EMILIN2: variants seen among roughly 807,000 people sequenced by gnomAD.
EMILIN2 encodes EMILIN-2.
Under a neutral mutation model 87.1 loss-of-function variants are expected in EMILIN2, and 71 were observed. The observed-to-expected ratio is 0.82, with a 90% CI of 0.67 to 0.99. The LOEUF (loss-of-function observed/expected upper bound fraction) is 0.99, where lower values mean the gene tolerates loss of function less well. Among genes scored for constraint, EMILIN2 ranks in the 50% least tolerant of loss-of-function variants. The pLI is 0.00. For synonymous variants in EMILIN2, 581 were observed against 563.4 expected (o/e 1.03, Z -0.44); for missense variants, 1,407 against 1,371.8 (o/e 1.03, Z -0.40).
chr18:2,885,104 C>T lies in EMILIN2; in HGVS notation c.398C>T (p.Pro133Leu), dbSNP rs749243354. 94 of 1,610,956 alleles carry T rather than the reference C, an allele frequency of 5.8e-5. No homozygotes were observed. Among genetic ancestry groups the T allele is most frequent in the South Asian group, 1.4e-4 (13 of 90,606 alleles). ...KDPVKTLRPT[P>L]ARPRNSLKKA... is the part of the protein sequence containing the mutation. ...CCCGTGAAGACCCTCCGCCCCACGC[C>T]GGCTCGGCCTCGAAACAGCTTGAAG... The change falls in exon 3 of 8, where the codon CCG becomes CTG. Residue 133 changes from proline to leucine, a missense_variant. Coordinates refer to ENST00000254528, the MANE Select transcript of EMILIN2 (RefSeq NM_032048.3).
chr18:2,890,611 G>A lies in EMILIN2; in HGVS notation c.484G>A (p.Gly162Ser), dbSNP rs759998658. The change falls in exon 4 of 8, where the codon GGT becomes AGT. Residue 162 changes from glycine (G) to serine (S), a missense_variant. Transcript: ENST00000254528. This position sits in a 1 kb window ranked among gnomAD's most constrained non-coding sequence, Gnocchi z 4.7. ...SEPRKTLSPTGTAQPSWGVDP... is the reference protein window; with the variant it reads ...SEPRKTLSPTSTAQPSWGVDP... ...GCCCAGGAAGACTTTGTCCCCAACTGGTACAGCACAACCAAGCTGGGGGGT... is the reference window on the plus strand; with the variant it reads ...GCCCAGGAAGACTTTGTCCCCAACTAGTACAGCACAACCAAGCTGGGGGGT... 2 of 1,606,502 alleles carry A rather than the reference G, an allele frequency of 1.2e-6. No homozygotes were observed. Among genetic ancestry groups the A allele is most frequent in the Admixed American group, 1.7e-5 (1 of 59,704 alleles).
Position 2,913,641 on chromosome 18 carries a change from G to A in EMILIN2, c.*237G>A, listed in dbSNP as rs1280172267. ...TTCTGCCACTCTAACTGGACAACTGGAAGACTTGGAAAGGCCTCCACCTGT... is the reference window on the plus strand; with the variant it reads ...TTCTGCCACTCTAACTGGACAACTGAAAGACTTGGAAAGGCCTCCACCTGT... On this transcript the variant is annotated 3_prime_UTR_variant, in exon 8 of 8. Coordinates refer to ENST00000254528, the MANE Select transcript of EMILIN2 (RefSeq NM_032048.3). 5.7e-6 allele frequency: 2 copies of A among 353,582 alleles called. No individual in the cohort carries two copies. Among genetic ancestry groups the A allele is most frequent in the African/African-American group, 2.2e-5 (1 of 45,582 alleles). The allele number at this position is 353,582 out of a possible 1,614,324, so 21.9% of individuals were successfully genotyped here. A position where few individuals can be genotyped will look rare whatever the true frequency, so the allele number is the denominator to read the frequency against.
chr18:2,899,625 C>T (rs2144054725), intron 4 of EMILIN2, among the ~76,000 whole-genome samples: 1 of 152,198 alleles, frequency 6.6e-6, no homozygotes, highest in African/African-American at 2.4e-5. Flanking sequence ...CTGCCTCAGC[C>T]ACCCGAATAG....
Position 2,894,165 on chromosome 18 carries a change from C to T in EMILIN2, c.2359+1679C>T, listed in dbSNP as rs1199946519. ...AGATGAGACATAAAACCCAAGGCAG[C>T]GTAGGCTAGAACGTGGGAAGCAGGC... On this transcript the variant is annotated intron_variant, in intron 4 of 7. Transcript: ENST00000254528. The surrounding 1 kb of genome is among the most constrained non-coding windows in gnomAD (Gnocchi z 5.0). Among the ~76,000 whole-genome samples the T allele has an allele frequency of 2.0e-5, 3 of 152,126 alleles. No homozygotes were observed. The highest frequency in any genetic ancestry group is 4.8e-5 in the African/African-American group (2 of 41,422).
In EMILIN2 at chr18:2,913,122, C is replaced by G; in HGVS notation, c.2880C>G (p.Pro960=). ...ACCTGATCACGGCCACCCTCACCCC[C>G]GAGAGAGACGCCTACGTGGAAGCAG... ...GRYLITATLT[P]ERDAYVEAVL... The change falls in exon 8 of 8, where the codon CCC becomes CCG. Residue 960 remains proline (P), a synonymous_variant. Transcript: ENST00000254528. The G allele has an allele frequency of 2.5e-6, 4 of 1,613,550 alleles. No homozygotes were observed. The highest frequency in any genetic ancestry group is 3.4e-6 in the Non-Finnish European group (4 of 1,180,042).
In EMILIN2 at chr18:2,907,060, C is replaced by T. The variant is rs1401012574; in HGVS notation, c.2637C>T (p.Gly879=). Residue 879 remains glycine (G), a synonymous_variant, in exon 5 of 8, where the codon GGC becomes GGT. Coordinates refer to ENST00000254528, the MANE Select transcript of EMILIN2 (RefSeq NM_032048.3). ...DGQTGSGTVP[G]AEGFAGAPGY... ...AGACCGGGAGCGGCACCGTCCCCGG[C>T]GCAGAAGGCTTCGCGGGCGCACCAG... The T allele has an allele frequency of 6.4e-6, 8 of 1,258,156 alleles. No individual in the cohort carries two copies. Among genetic ancestry groups the T allele is most frequent in the African/African-American group, 6.2e-5 (4 of 64,338 alleles). 77.9% of individuals were successfully genotyped at this position (1,258,156 alleles called of 1,614,324 possible).
At chr18:2,862,095 CTT>C (rs1296738395) in intron 2 of EMILIN2, among the ~76,000 whole-genome samples, 1 of 152,206 alleles carries the variant, frequency 6.6e-6, no homozygotes, top group Non-Finnish European at 1.5e-5. Context: ...TATCCTGAGA[CTT>C]TGCTGAAGTT....
intron 6 of EMILIN2, 131 bp downstream of exon 6, chr18:2,909,106 C>G (rs955041488): frequency 1.7e-6 from 2 of 1,149,748 alleles, no homozygotes; most frequent in Non-Finnish European, 2.6e-6. Context: ...CTTCCCCACC[C>G]ACCAGCACTG....
At chr18:2,910,232 G>A (rs2144077401) in intron 7 of EMILIN2, among the ~76,000 whole-genome samples, 1 of 152,310 alleles carries the variant, frequency 6.6e-6, no homozygotes, top group African/African-American at 2.4e-5. Flanking sequence ...ACAAGCGGGA[G>A]GCTCCCTCAG....
chr18:2,864,166 CTT>C (rs1337724172), intron 2 of EMILIN2, among the ~76,000 whole-genome samples: 25 of 152,160 alleles, frequency 1.6e-4, no homozygotes, highest in Admixed American at 4.6e-4. Context: ...GGTCTTGACT[CTT>C]TATCCAATTT....
rs1416903980 is a variant in EMILIN2 at position 2,858,581 on chromosome 18, G to GTATATATATATATATATATATATA, written c.257+10651_257+10652insATATATATATATATATATATATAT. Among the ~76,000 whole-genome samples, 14 of 64,788 alleles carry GTATATATATATATATATATATATA rather than the reference G, an allele frequency of 2.2e-4. 1 individual carries two copies. Among genetic ancestry groups the GTATATATATATATATATATATATA allele is most frequent in the South Asian group, 5.6e-4 (1 of 1,792 alleles). The allele number at this position is 64,788 out of a possible 152,430, so 42.5% of individuals were successfully genotyped here. A position where few individuals can be genotyped will look rare whatever the true frequency, so the allele number is the denominator to read the frequency against. On this transcript the variant is annotated intron_variant, in intron 2 of 7. Transcript: ENST00000254528. ...TATATATATATATATGTGTGTGTGT[G>GTATATATATATATATATATATATA]TGTATATATATATATATATATGTGT...
intron 2 of EMILIN2, among the ~76,000 whole-genome samples, chr18:2,866,842 A>G (rs1013897386): frequency 6.6e-6 from 1 of 152,194 alleles, no homozygotes; most frequent in African/African-American, 2.4e-5. Flanking sequence ...TTTGTCATAG[A>G]TGGCTTTTAT....
chr18:2,884,839 C>T (rs1053349103), intron 2 of EMILIN2, 125 bp from the exon 3 acceptor site: 1 of 1,053,710 alleles, frequency 9.5e-7, no homozygotes, highest in African/African-American at 1.6e-5. Context: ...CCAACATCCC[C>T]TCTGGGCCAG....
At chr18:2,898,384 C>T (rs543825319) in intron 4 of EMILIN2, among the ~76,000 whole-genome samples, 1 of 152,330 alleles carries the variant, frequency 6.6e-6, no homozygotes, top group Non-Finnish European at 1.5e-5. Context: ...CTTCCCCTGG[C>T]CCCACACACA....
chr18:2,892,209 G>T lies in EMILIN2; in HGVS notation c.2082G>T (p.Gly694=). 1 of 1,608,210 alleles carries T rather than the reference G, an allele frequency of 6.2e-7. No homozygotes were observed. The highest frequency in any genetic ancestry group is 8.5e-7 in the Non-Finnish European group (1 of 1,175,932). ...ATGCTTGTAAGGAATGCACGCAGGGGGTCCAGAGGGAGGTCTCCATGGTGG... is the reference window on the plus strand; with the variant it reads ...ATGCTTGTAAGGAATGCACGCAGGGTGTCCAGAGGGAGGTCTCCATGGTGG... ...ELDACKECTQ[G]VQREVSMVEG... is the part of the protein sequence containing the mutation. The change falls in exon 4 of 8, where the codon GGG becomes GGT. Residue 694 remains glycine, a synonymous_variant. Coordinates refer to ENST00000254528, the MANE Select transcript of EMILIN2 (RefSeq NM_032048.3).
At chr18:2,882,588 T>A (rs1000788208) in intron 2 of EMILIN2, among the ~76,000 whole-genome samples, 4 of 151,236 alleles carry the variant, frequency 2.6e-5, no homozygotes, top group Admixed American at 6.6e-5. Context: ...CTTAAAAAAA[T>A]TTTTTTAAAT....
At chr18:2,858,583 G>GTGTGTGTGTATATATATA (rs1180735843) in intron 2 of EMILIN2, among the ~76,000 whole-genome samples, 4 of 63,042 alleles carry the variant, frequency 6.3e-5, no homozygotes, top group African/African-American at 2.8e-4. Flanking sequence ...GTGTGTGTGT[G>GTGTGTGTGTATATATATA]TATATATATA....
At position 2,850,187 on chromosome 18, in the gene EMILIN2, G is replaced by A. The variant is rs1006875491; in HGVS notation, c.257+2256G>A. On this transcript the variant is annotated intron_variant, in intron 2 of 7. Transcript: ENST00000254528. ...GAACTTGAGCTCAGGCAATCCGCCC[G>A]CCTCAGCCTGCCAAAGTGCTAGGAT... Among the ~76,000 whole-genome samples the A allele has an allele frequency of 5.4e-5, 8 of 148,338 alleles. No individual in the cohort carries two copies. In the East Asian group the frequency reaches 7.9e-4, roughly 15 times the overall value.
chr18:2,896,160 TA>T (rs778068016), intron 4 of EMILIN2, among the ~76,000 whole-genome samples: 7 of 151,998 alleles, frequency 4.6e-5, no homozygotes. Flanking sequence ...ATTGCATATA[TA>T]TAATGAATAA....
Sources: allele counts gnomAD v4.1 joint callset (sites outside exome capture counted in the v4.1 genomes callset), GRCh38; gene constraint gnomAD v4.1.1; non-coding constraint Gnocchi (gnomAD v3.1); transcripts MANE v1.5; gene names NCBI Gene and HGNC (gene_info 2026-07-23, HGNC 2026-07-21).